PFKFB4: variants seen among roughly 807,000 people sequenced by gnomAD.
The protein encoded by PFKFB4 is 6-phosphofructo-2-kinase/fructose-2,6-biphosphatase 4.
Under a neutral mutation model 62.8 loss-of-function variants are expected in PFKFB4, and 42 were observed. The observed-to-expected ratio is 0.67, with a 90% CI of 0.52 to 0.86. The LOEUF (loss-of-function observed/expected upper bound fraction) is 0.86. Ranked by LOEUF, PFKFB4 falls within the 40% of genes least tolerant of loss-of-function variation. The pLI is 0.00. For missense variants in PFKFB4, 475 were observed against 627.2 expected (o/e 0.76, Z 2.59); for synonymous variants, 204 against 240.7 (o/e 0.85, Z 1.41).
chr3:48,540,530 A>C lies in PFKFB4; in HGVS notation c.379-759T>G, dbSNP rs932012282. ...AGAAGTACCTGGGGCCTGCACAAGC[A>C]TCCTCTGAGTAGCCTCCTGAGTAGC... On this transcript the variant is annotated intron_variant, in intron 4 of 13. Transcript: ENST00000232375. Among the ~76,000 whole-genome samples, 2 of 152,218 alleles carry C rather than the reference A, an allele frequency of 1.3e-5. 1 individual carries two copies. The highest frequency in any genetic ancestry group is 1.3e-4 in the Admixed American group (2 of 15,284).
In PFKFB4 at chr3:48,556,646, C is replaced by T; in HGVS notation, c.97+35G>A. The T allele has an allele frequency of 1.3e-6, 2 of 1,491,648 alleles. No homozygotes were observed. Among genetic ancestry groups the T allele is most frequent in the Non-Finnish European group, 1.8e-6 (2 of 1,097,544 alleles). 92.4% of individuals were successfully genotyped at this position (1,491,648 alleles called of 1,614,324 possible). ...GCCGCCCTACCCACCCATCCCGGTG[C>T]ACCTCCCACCTCCTCCCAGAGGACC... On this transcript the variant is annotated intron_variant, in intron 1 of 13. Coordinates refer to ENST00000232375, the MANE Select transcript of PFKFB4 (RefSeq NM_004567.4). The surrounding 1 kb of genome is among the most constrained non-coding windows in gnomAD (Gnocchi z 5.7).
rs894495001 is a variant in PFKFB4 at position 48,522,188 on chromosome 3, T to C, written c.1286-138A>G. On this transcript the variant is annotated intron_variant, in intron 12 of 13. Coordinates refer to ENST00000232375, the MANE Select transcript of PFKFB4 (RefSeq NM_004567.4). ...CAGCCTCACTCTAGTTCTTCCACTTTAGGCAGCTCTGGGGAGCCCCGGGAG... is the reference window on the plus strand; with the variant it reads ...CAGCCTCACTCTAGTTCTTCCACTTCAGGCAGCTCTGGGGAGCCCCGGGAG... The C allele has an allele frequency of 1.6e-5, 12 of 763,026 alleles. No individual in the cohort carries two copies. In the African/African-American group the frequency reaches 1.7e-4, roughly 11 times the overall value. 47.3% of individuals were successfully genotyped at this position (763,026 alleles called of 1,614,324 possible).
intron 3 of PFKFB4, among the ~76,000 whole-genome samples, chr3:48,547,718 C>T (rs2043007639): frequency 6.6e-6 from 1 of 152,168 alleles, no homozygotes; most frequent in Non-Finnish European, 1.5e-5. Flanking sequence ...AAGTGATCCA[C>T]CCACCTCGGC....
chr3:48,539,531 C>T, intron 5 of PFKFB4, 166 bp downstream of exon 5: 2 of 724,404 alleles, frequency 2.8e-6, no homozygotes, highest in Non-Finnish European at 4.8e-6. Flanking sequence ...ACCCCCTTCC[C>T]TCTGGAAAGC....
intron 9 of PFKFB4, among the ~76,000 whole-genome samples, chr3:48,532,744 T>C (rs1246743374): frequency 6.6e-6 from 1 of 152,098 alleles, no homozygotes; most frequent in East Asian, 1.9e-4. Flanking sequence ...TCCCAGCTAC[T>C]AGGGAGGCAA....
chr3:48,561,054 C>G (rs1453058460), upstream of PFKFB4: 5 of 1,282,036 alleles, frequency 3.9e-6, no homozygotes, highest in East Asian at 1.7e-4. The surrounding 1 kb of genome is among the most constrained non-coding windows in gnomAD (Gnocchi z 5.2). Flanking sequence ...GTGCCTACCC[C>G]GCCTGCTGCT....
rs1191384803 is a variant in PFKFB4 at position 48,556,500 on chromosome 3, G to A, written c.97+181C>T. ...CCCCTGCTCTGCCACACCTGTCTCT[G>A]GCCCACCACTGTCACGACCGCCTCA... On this transcript the variant is annotated intron_variant, in intron 1 of 13. Coordinates refer to ENST00000232375, the MANE Select transcript of PFKFB4 (RefSeq NM_004567.4). The surrounding 1 kb of genome is among the most constrained non-coding windows in gnomAD (Gnocchi z 5.7). Among the ~76,000 whole-genome samples, 1 of 151,668 alleles carries A rather than the reference G, an allele frequency of 6.6e-6. No individual in the cohort carries two copies. Among genetic ancestry groups the A allele is most frequent in the Non-Finnish European group, 1.5e-5 (1 of 67,928 alleles).
chr3:48,559,230 T>G (rs575338765), upstream of PFKFB4, among the ~76,000 whole-genome samples: 1 of 152,284 alleles, frequency 6.6e-6, no homozygotes, highest in Admixed American at 6.5e-5. Context: ...CCAGGCACCC[T>G]CCTTCAAGGC....
rs919509933 is a variant in PFKFB4 at position 48,543,610 on chromosome 3, C to A, written c.348G>T (p.Arg116=). 4.3e-6 allele frequency: 7 copies of A among 1,612,252 alleles called. No homozygotes were observed. Among genetic ancestry groups the A allele is most frequent in the African/African-American group, 1.3e-5 (1 of 74,916 alleles). The change falls in exon 4 of 14, where the codon CGG becomes CGT. Residue 116 remains arginine (R), a synonymous_variant. Transcript: ENST00000232375. The part of the protein sequence containing the change: ...CALAALRDVR[R]FLSEEGGHVA... ...CATGTCCCCCCTCCTCACTAAGGAA[C>A]CGCCGGACGTCACGGAGGGCTGCCA...
Position 48,521,985 on chromosome 3 carries a change from C to T in PFKFB4, c.1350+1G>A, listed in dbSNP as rs1354784894. ...TACCCCAGCAGTGACCCCATTGCTA[C>T]CTGAGGCCTGTCCCGGTGCGTGTTC... is the stretch of plus-strand genomic sequence containing the variant. On this transcript the variant is annotated splice_donor_variant, in intron 13 of 13. Coordinates refer to ENST00000232375, the MANE Select transcript of PFKFB4 (RefSeq NM_004567.4). LOFTEE classifies it high-confidence loss of function. The surrounding 1 kb of genome is among the most constrained non-coding windows in gnomAD (Gnocchi z 5.3). The T allele has an allele frequency of 2.5e-6, 4 of 1,613,862 alleles. No individual in the cohort carries two copies. The highest frequency in any genetic ancestry group is 1.1e-5 in the South Asian group (1 of 91,076).
intron 9 of PFKFB4, among the ~76,000 whole-genome samples, chr3:48,532,430 T>C (rs968822971): frequency 6.6e-6 from 1 of 152,256 alleles, no homozygotes; most frequent in Non-Finnish European, 1.5e-5. Flanking sequence ...GAGACATTTG[T>C]ATCCATGTTC....
intron 13 of PFKFB4, 32 bp from the exon 14 acceptor site, chr3:48,519,838 A>C (rs913102480): frequency 1.3e-6 from 2 of 1,578,362 alleles, no homozygotes; most frequent in Non-Finnish European, 1.7e-6. Context: ...CGTTCACTCC[A>C]TGGCAGGAAT....
chr3:48,543,632 G>A lies in PFKFB4; in HGVS notation c.326C>T (p.Ala109Val), dbSNP rs1269050279. ...GAACCGCCGGACGTCACGGAGGGCT[G>A]CCAGGGCACACTGCCTTCAGGAGAG... ...GLKIRKQCAL[A>V]ALRDVRRFLS... Residue 109 changes from alanine (A) to valine (V), a missense_variant, in exon 4 of 14, where the codon GCA becomes GTA. Transcript: ENST00000232375. 1 of 1,611,654 alleles carries A rather than the reference G, an allele frequency of 6.2e-7. No homozygotes were observed. Among genetic ancestry groups the A allele is most frequent in the South Asian group, 1.1e-5 (1 of 90,212 alleles).
intron 7 of PFKFB4, among the ~76,000 whole-genome samples, chr3:48,538,062 A>G (rs777076540): frequency 2.0e-4 from 31 of 152,172 alleles, no homozygotes; most frequent in Admixed American, 3.3e-4. Flanking sequence ...GGCTGTTTTT[A>G]TCAAGTTTTA....
chr3:48,527,283 G>GTT (rs1181191209), intron 9 of PFKFB4, among the ~76,000 whole-genome samples: 32 of 135,676 alleles, frequency 2.4e-4, no homozygotes, highest in Non-Finnish European at 3.0e-4. Flanking sequence ...ACATTTAGTG[G>GTT]TTTTTTTTTT....
At chr3:48,527,298 T>C (rs2042294865) in intron 9 of PFKFB4, among the ~76,000 whole-genome samples, 2 of 151,128 alleles carry the variant, frequency 1.3e-5, no homozygotes, top group East Asian at 3.9e-4. Flanking sequence ...TTTTTTTTTT[T>C]TGAGACAGTC....
intron 12 of PFKFB4, among the ~76,000 whole-genome samples, chr3:48,522,635 C>A (rs1037316368): frequency 6.6e-6 from 1 of 152,136 alleles, no homozygotes; most frequent in African/African-American, 2.4e-5. Flanking sequence ...AAGTCCAGGC[C>A]CTGAGGACCA....
chr3:48,555,986 G>A, intron 1 of PFKFB4: 2 of 405,752 alleles, frequency 4.9e-6, no homozygotes, highest in Non-Finnish European at 1.0e-5. Context: ...GGGACCCTAG[G>A]AGAGGTGAGC....
upstream of PFKFB4, chr3:48,557,136 C>G: frequency 3.2e-6 from 1 of 313,138 alleles, no homozygotes; most frequent in Non-Finnish European, 5.4e-6. Flanking sequence ...TCCCAACCTG[C>G]CCGCGCTGAT....
Sources: allele counts gnomAD v4.1 joint callset (sites outside exome capture counted in the v4.1 genomes callset), GRCh38; gene constraint gnomAD v4.1.1; non-coding constraint Gnocchi (gnomAD v3.1); transcripts MANE v1.5; gene names NCBI Gene and HGNC (gene_info 2026-07-23, HGNC 2026-07-21).